Variants in TRIM68 observed in about 807,000 individuals in gnomAD.
The protein encoded by TRIM68 is E3 ubiquitin-protein ligase TRIM68.
TRIM68 carries 36 observed loss-of-function variants against 41.9 expected under a neutral mutation model. The observed-to-expected ratio is 0.86, with a 90% confidence interval of 0.66 to 1.14. The LOEUF is 1.14. Ranked by LOEUF, TRIM68 falls within the 50% of genes most tolerant of loss-of-function variation. The pLI, the probability that TRIM68 is intolerant of heterozygous loss-of-function variation, is 0.00. For missense variants in TRIM68, 632 were observed against 605.1 expected, an observed-to-expected ratio of 1.04 and a Z score of -0.47; for synonymous variants, 225 against 224.6, an observed-to-expected ratio of 1.00 and a Z score of -0.02.
At position 4,601,023 on chromosome 11, in the gene TRIM68, T is replaced by A; in HGVS notation, c.907+4A>T. 1 of 1,613,428 alleles carries A rather than the reference T, an allele frequency of 6.2e-7. No individual in the cohort carries two copies. The highest frequency in any genetic ancestry group is 8.5e-7 in the Non-Finnish European group (1 of 1,179,342). On this transcript the variant is annotated splice_donor_region_variant and intron_variant, in intron 6 of 6. Coordinates refer to ENST00000300747, the MANE Select transcript of TRIM68 (RefSeq NM_018073.8). ...CCACTACAGTCTCCCCCAGGATCCA[T>A]TACCTGCATAAGTCTTCAGGATCTC...
intron 2 of TRIM68, among the ~76,000 whole-genome samples, chr11:4,603,824 G>A (rs1846529464): frequency 6.6e-6 from 1 of 152,030 alleles, no homozygotes; most frequent in Admixed American, 6.6e-5. Flanking sequence ...GCTTATTAAG[G>A]GTAAGAAGCA....
At position 4,601,685 on chromosome 11, in the gene TRIM68, TCC is replaced by T. The variant is rs1231621937; in HGVS notation, c.784-1_784del. Reference sequence around the variant, plus strand: ...ATACCTGTTTAACACTTCCTGAATATCCTGGAAGGAGAAAAAAAAATGCAGCA... The same window carrying T: ...ATACCTGTTTAACACTTCCTGAATATTGGAAGGAGAAAAAAAAATGCAGCA... On this transcript the variant is annotated splice_acceptor_variant and coding_sequence_variant, in exon 5 of 7. Transcript: ENST00000300747. LOFTEE classifies it high-confidence loss of function. 6.2e-7 allele frequency: 1 copy of T among 1,613,660 alleles called. No individual in the cohort carries two copies. The highest frequency in any genetic ancestry group is 8.5e-7 in the Non-Finnish European group (1 of 1,179,950).
chr11:4,605,008 C>G, intron 2 of TRIM68, 71 bp downstream of exon 2: 1 of 1,547,730 alleles, frequency 6.5e-7, no homozygotes, highest in Non-Finnish European at 8.8e-7. Flanking sequence ...TGCTGGTGGT[C>G]AAGCCCTTGA....
intron 4 of TRIM68, 172 bp from the exon 5 acceptor site, chr11:4,601,858 TTTGGCTGAACTGGCCA>T: frequency 1.1e-6 from 1 of 885,574 alleles, no homozygotes. Context: ...CAGGCTGAGC[TTTGGCTGAACTGGCCA>T]ATTTCAGGCT....
rs2231968 is a variant in TRIM68, at chr11:4,602,089, C to T, written c.783+63G>A. On this transcript the variant is annotated intron_variant, in intron 4 of 6. Transcript: ENST00000300747. ...CCTACTGAAGGGTAACTGATGCTCT[C>T]TCCTGGAGTCTCAGTCTATCTTCAG... The T allele has an allele frequency of 5.9e-3, 9,553 of 1,606,260 alleles. 71 individuals are homozygous for T. The highest frequency in any genetic ancestry group is 0.036 in the African/African-American group (2,669 of 74,904).
At chr11:4,602,476 A>G in intron 3 of TRIM68, 64 bp from the exon 4 acceptor site, 1 of 1,581,322 alleles carries the variant, frequency 6.3e-7, no homozygotes, top group East Asian at 2.2e-5. Flanking sequence ...GCATACTGAC[A>G]TATGCATACA....
chr11:4,600,281 C>G lies in TRIM68; in HGVS notation c.1453G>C (p.Asp485His), dbSNP rs771489961. ...PLAICSLDGED is the reference protein window; with the variant it reads ...PLAICSLDGEH ...TGGTTAGGGTGGTAGCTTTCTTAGT[C>G]CTCCCCATCCAGGGAGCAGATGGCC... The change falls in exon 7 of 7, where the codon GAC becomes CAC. Residue 485 changes from aspartate to histidine, a missense_variant. Coordinates refer to ENST00000300747, the MANE Select transcript of TRIM68 (RefSeq NM_018073.8). 6.4e-7 allele frequency: 1 copy of G among 1,569,312 alleles called. No homozygotes were observed. The highest frequency in any genetic ancestry group is 8.6e-7 in the Non-Finnish European group (1 of 1,158,050).
At position 4,600,455 on chromosome 11, in the gene TRIM68, C is replaced by T. The variant is rs747773375; in HGVS notation, c.1279G>A (p.Val427Met). The T allele has an allele frequency of 3.2e-5, 52 of 1,613,588 alleles. No individual in the cohort carries two copies. In the South Asian group the frequency reaches 3.4e-4, roughly 11 times the overall value. ...GAAATGTCATGGGCCTCATAATCCA[C>T]GAAGATTCCCACCCGGCGAGGAGGG... Reference protein sequence around the residue: ...PVPPRRVGIFVDYEAHDISFY... With the variant: ...PVPPRRVGIFMDYEAHDISFY... Residue 427 changes from valine (V) to methionine (M), a missense_variant, in exon 7 of 7, where the codon GTG (valine) becomes ATG (methionine). Val to Met is a conservative substitution (Grantham distance 21, BLOSUM62 1). Coordinates refer to ENST00000300747, the MANE Select transcript of TRIM68 (RefSeq NM_018073.8).
chr11:4,602,538 A>G (rs780098681), intron 3 of TRIM68, 126 bp from the exon 4 acceptor site: 4 of 1,265,204 alleles, frequency 3.2e-6, no homozygotes, highest in Non-Finnish European at 4.3e-6. Flanking sequence ...AGGGGCAAAG[A>G]TAAAGGATAC....
chr11:4,607,548 A>C (rs1846587211), intron 1 of TRIM68, among the ~76,000 whole-genome samples: 1 of 151,496 alleles, frequency 6.6e-6, no homozygotes, highest in Non-Finnish European at 1.5e-5. Context: ...GTAAGAAAGT[A>C]AGGCAAAGAA....
rs1467719853 is a variant in TRIM68 at position 4,600,390 on chromosome 11, A to T, written c.1344T>A (p.Thr448=). 2.5e-6 allele frequency: 4 copies of T among 1,614,032 alleles called. No homozygotes were observed. The highest frequency in any genetic ancestry group is 2.5e-6 in the Non-Finnish European group (3 of 1,180,034). The stretch of plus-strand genomic sequence containing the variant: ...GCCCAGGGAAGGGATAGCGGGGGAA[A>T]GTGAAGATGTGGGAGCCACAGTCAG... ...NVTDCGSHIF[T]FPRYPFPGRL... The change falls in exon 7 of 7, where the codon ACT becomes ACA. Residue 448 remains threonine, a synonymous_variant. Transcript: ENST00000300747.
chr11:4,606,672 G>T (rs1043909284), intron 1 of TRIM68, among the ~76,000 whole-genome samples: 5 of 152,210 alleles, frequency 3.3e-5, no homozygotes, highest in Admixed American at 6.5e-5. Context: ...CACTTTACAT[G>T]AATTAAGTTG....
chr11:4,600,451 T>C lies in TRIM68; in HGVS notation c.1283A>G (p.Asp428Gly). The change falls in exon 7 of 7, where the codon GAT (aspartate) becomes GGT (glycine). Residue 428 changes from aspartate to glycine, a missense_variant. Physicochemically the swap from Asp to Gly is moderately conservative, Grantham distance 94. Coordinates refer to ENST00000300747, the MANE Select transcript of TRIM68 (RefSeq NM_018073.8). ...VPPRRVGIFVDYEAHDISFYN... is the reference protein window; with the variant it reads ...VPPRRVGIFVGYEAHDISFYN... ...GAAAGAAATGTCATGGGCCTCATAA[T>C]CCACGAAGATTCCCACCCGGCGAGG... 3.7e-6 allele frequency: 6 copies of C among 1,613,758 alleles called. No homozygotes were observed. The highest frequency in any genetic ancestry group is 5.1e-6 in the Non-Finnish European group (6 of 1,179,874).
chr11:4,607,940 T>G (rs1010483921), intron 1 of TRIM68, 87 bp downstream of exon 1: 4 of 152,284 alleles, frequency 2.6e-5, no homozygotes, highest in African/African-American at 9.7e-5. Context: ...CCACAGGGCG[T>G]TGGGCAGGTC....
intron 3 of TRIM68, 143 bp downstream of exon 3, chr11:4,603,102 A>G (rs1227003503): frequency 1.0e-5 from 8 of 777,848 alleles, no homozygotes; most frequent in Admixed American, 2.3e-5. Flanking sequence ...GGCCTGGGAC[A>G]GAGAAAGCAG....
rs546784351 is a variant in TRIM68, at chr11:4,608,202, C to T, written c.-233G>A. 1.1e-3 allele frequency: 172 copies of T among 152,626 alleles called. No individual in the cohort carries two copies. The highest frequency in any genetic ancestry group is 4.0e-3 in the African/African-American group (166 of 41,594). 9.5% of individuals were successfully genotyped at this position (152,626 alleles called of 1,614,324 possible). On this transcript the variant is annotated 5_prime_UTR_variant, in exon 1 of 7. Coordinates refer to ENST00000300747, the MANE Select transcript of TRIM68 (RefSeq NM_018073.8). ...GCCCGGCAGCGCAGGCCCAGTAGCC[C>T]GCAGCTCCCAGAATACTACACCCGG...
rs1384671369 is a variant in TRIM68, at chr11:4,605,398, C to A, written c.107G>T (p.Cys36Phe). ...CCAGAGTCCAGAGAGACAGCTGTGG[C>A]AGAAGCTGTGGCCACAGTCAATGCT... ...PMSIDCGHSF[C>F]HSCLSGLWEI... is the part of the protein sequence containing the mutation. Residue 36 changes from cysteine (C) to phenylalanine (F), a missense_variant, in exon 2 of 7, where the codon TGC (cysteine) becomes TTC (phenylalanine). Physicochemically the swap from Cys to Phe is radical, Grantham distance 205. Coordinates refer to ENST00000300747, the MANE Select transcript of TRIM68 (RefSeq NM_018073.8). 6.2e-7 allele frequency: 1 copy of A among 1,614,194 alleles called. No individual in the cohort carries two copies. The highest frequency in any genetic ancestry group is 2.2e-5 in the East Asian group (1 of 44,878).
intron 4 of TRIM68, 156 bp from the exon 5 acceptor site, chr11:4,601,842 G>A: frequency 1.1e-6 from 1 of 941,064 alleles, no homozygotes; most frequent in Non-Finnish European, 1.7e-6. Flanking sequence ...TGGAAGGATG[G>A]AAGAGCAGGC....
chr11:4,602,301 C>T lies in TRIM68; in HGVS notation c.634G>A (p.Ala212Thr). ...GCCTCCCGCTGTAGGCTGGCCAGAG[C>T]TGCTGCTACCTCTGCCCCCAGCTGC... is the stretch of plus-strand genomic sequence containing the variant. ...HRQLGAEVAA[A>T]LASLQREAAE... Residue 212 changes from alanine (A) to threonine (T), a missense_variant, in exon 4 of 7, where the codon GCT becomes ACT. Transcript: ENST00000300747. 6.2e-7 allele frequency: 1 copy of T among 1,614,212 alleles called. No homozygotes were observed. The highest frequency in any genetic ancestry group is 1.3e-5 in the African/African-American group (1 of 75,056).
Sources: allele counts gnomAD v4.1 joint callset (sites outside exome capture counted in the v4.1 genomes callset), GRCh38; gene constraint gnomAD v4.1.1; transcripts MANE v1.5; gene names NCBI Gene and HGNC (gene_info 2026-07-23, HGNC 2026-07-21).